The following NKD1 variants were observed in gnomAD, a reference collection of about 807,000 sequenced individuals.
The protein encoded by NKD1 is protein naked cuticle homolog 1.
NKD1 carries 21 observed loss-of-function variants against 56.0 expected under a neutral mutation model. The observed-to-expected ratio is 0.38, with a 90% CI of 0.27 to 0.54. NKD1 has a LOEUF of 0.54. NKD1 is among the 20% of genes least tolerant of loss of function. The pLI is 0.82. For missense variants in NKD1, 578 were observed against 642.7 expected (o/e 0.90, Z 1.09); for synonymous variants, 263 against 265.7 (o/e 0.99, Z 0.10).
At chr16:50,594,808 C>T (rs1961439924) in intron 3 of NKD1, among the ~76,000 whole-genome samples, 1 of 151,140 alleles carries the variant, frequency 6.6e-6, no homozygotes, top group Admixed American at 6.6e-5. Flanking sequence ...GGGAGGGGGG[C>T]ACACAGACCC....
chr16:50,573,019 C>T (rs909927030), intron 3 of NKD1: 3 of 216,672 alleles, frequency 1.4e-5, no homozygotes, highest in Admixed American at 1.3e-4. Flanking sequence ...TTTCTGAGGC[C>T]TCAGTCTCCC....
chr16:50,602,358 T>C (rs922018650), intron 3 of NKD1, among the ~76,000 whole-genome samples: 10 of 152,170 alleles, frequency 6.6e-5, no homozygotes, highest in Admixed American at 6.5e-4. Context: ...GTGAGCATCA[T>C]CTTGTCTGGC....
chr16:50,569,835 T>G (rs1431563059), intron 3 of NKD1, among the ~76,000 whole-genome samples: 1 of 152,204 alleles, frequency 6.6e-6, no homozygotes, highest in Non-Finnish European at 1.5e-5. Flanking sequence ...AGTGGAACCC[T>G]CTGGTTAGGA....
chr16:50,594,707 G>GCCCC, intron 3 of NKD1, among the ~76,000 whole-genome samples: 1 of 152,270 alleles, frequency 6.6e-6, no homozygotes, highest in South Asian at 2.1e-4. Flanking sequence ...GTGGGGACAC[G>GCCCC]GCAGTTCTCT....
intron 3 of NKD1, among the ~76,000 whole-genome samples, chr16:50,560,630 T>G (rs17219019): frequency 0.35 from 47,245 of 134,826 alleles, 9,429 homozygotes; most frequent in Non-Finnish European, 0.45. Flanking sequence ...TTTAGGCGAG[T>G]TTTTTTTTTT....
chr16:50,599,907 GT>G (rs536644542), intron 3 of NKD1, among the ~76,000 whole-genome samples: 10 of 152,038 alleles, frequency 6.6e-5, no homozygotes, highest in Non-Finnish European at 1.0e-4. Context: ...GGTGTTTTGG[GT>G]TTTTTTTCCC....
intron 4 of NKD1, among the ~76,000 whole-genome samples, chr16:50,616,565 C>T (rs751880697): frequency 6.6e-6 from 1 of 152,170 alleles, no homozygotes. Flanking sequence ...GCAGGCCTGG[C>T]GGAATCTCTG....
Position 50,645,240 on chromosome 16 carries a change from C to CG in NKD1, c.*11460dup, listed in dbSNP as rs1962655513. 6.6e-6 allele frequency: 1 copy of CG among 152,122 alleles called. No homozygotes were observed. Among genetic ancestry groups the CG allele is most frequent in the African/African-American group, 2.4e-5 (1 of 41,348 alleles). The allele number at this position is 152,122 out of a possible 1,614,324, so 9.4% of individuals were successfully genotyped here. A position where few individuals can be genotyped will look rare whatever the true frequency, so the allele number is the denominator to read the frequency against. On this transcript the variant is annotated 3_prime_UTR_variant, in exon 10 of 10. Transcript: ENST00000268459. The stretch of plus-strand genomic sequence containing the variant: ...CGGGGGGACTGCTTCCACCCAGAAA[C>CG]GACATTTTTATCCACTGCGATAACT...
intron 4 of NKD1, chr16:50,613,535 C>T (rs1243534443): frequency 1.3e-5 from 2 of 152,364 alleles, no homozygotes; most frequent in African/African-American, 2.4e-5. Context: ...CACTCCCCTA[C>T]AGTCCCCCCA....
chr16:50,559,923 G>A (rs564828159), intron 3 of NKD1, among the ~76,000 whole-genome samples: 1 of 152,246 alleles, frequency 6.6e-6, no homozygotes, highest in Non-Finnish European at 1.5e-5. Context: ...GCCGGAGGAT[G>A]TTTTTCTAAC....
chr16:50,551,929 T>G (rs1960395910), intron 3 of NKD1: 1 of 152,162 alleles, frequency 6.6e-6, no homozygotes, highest in Admixed American at 6.5e-5. Flanking sequence ...AGGACAGCAA[T>G]GGGCAACCCT....
intron 3 of NKD1, among the ~76,000 whole-genome samples, chr16:50,604,145 A>G (rs1567346277): frequency 6.6e-6 from 1 of 152,244 alleles, no homozygotes; most frequent in Non-Finnish European, 1.5e-5. Flanking sequence ...ACTGCAGCCA[A>G]GCCCCACATG....
Position 50,632,381 on chromosome 16 carries a change from GA to G in NKD1, c.800del (p.Asn267ThrfsTer80). On this transcript the variant is annotated frameshift_variant, in exon 9 of 10. Transcript: ENST00000268459. LOFTEE classifies it high-confidence loss of function. This position sits in a 1 kb window ranked among gnomAD's most constrained non-coding sequence, Gnocchi z 4.1. ...CCACTACTTAGATCTCGCCGGGATAGAAAACTACACGTCCCAATTTGGGCCT... is the reference window on the plus strand; with the variant it reads ...CCACTACTTAGATCTCGCCGGGATAGAAACTACACGTCCCAATTTGGGCCT... Reference protein sequence around the residue: ...RNHYLDLAGIENYTSQFGPGS... With the variant: ...RNHYLDLAGIXNYTSQFGPGS... The G allele has an allele frequency of 6.2e-7, 1 of 1,614,152 alleles. No homozygotes were observed. Among genetic ancestry groups the G allele is most frequent in the Non-Finnish European group, 8.5e-7 (1 of 1,180,012 alleles).
intron 3 of NKD1, among the ~76,000 whole-genome samples, chr16:50,588,146 C>A (rs1453178257): frequency 1.3e-5 from 2 of 152,092 alleles, no homozygotes; most frequent in Admixed American, 6.5e-5. Context: ...AATGTCCAGG[C>A]CACATTCATA....
chr16:50,633,249 G>A lies in NKD1; in HGVS notation c.881G>A (p.Arg294Gln), dbSNP rs777210269. The change falls in exon 10 of 10, where the codon CGA (arginine) becomes CAA (glutamine). Residue 294 changes from arginine to glutamine, a missense_variant. Coordinates refer to ENST00000268459, the MANE Select transcript of NKD1 (RefSeq NM_033119.5). This position sits in a 1 kb window ranked among gnomAD's most constrained non-coding sequence, Gnocchi z 4.9. ...CCCCCCCGCACCTCCAATCCCACTC[G>A]ATCTCGCTCCCATGAGCCGGAAGCC... ...ELPPRTSNPTRSRSHEPEAIH... is the reference protein window; with the variant it reads ...ELPPRTSNPTQSRSHEPEAIH... The A allele has an allele frequency of 7.4e-6, 12 of 1,613,796 alleles. No homozygotes were observed. Among genetic ancestry groups the A allele is most frequent in the Non-Finnish European group, 1.0e-5 (12 of 1,179,872 alleles).
chr16:50,607,203 G>T (rs1961731331), intron 3 of NKD1: 1 of 347,982 alleles, frequency 2.9e-6, no homozygotes, highest in Non-Finnish European at 5.7e-6. Flanking sequence ...TTAGCTGTTT[G>T]TCTTTAAAAC....
intron 3 of NKD1, among the ~76,000 whole-genome samples, chr16:50,576,237 T>C (rs1450461193): frequency 6.6e-6 from 1 of 152,200 alleles, no homozygotes; most frequent in Non-Finnish European, 1.5e-5. Flanking sequence ...GGTGGGCAGA[T>C]GTGGGTATTG....
intron 3 of NKD1, among the ~76,000 whole-genome samples, chr16:50,576,339 T>C (rs1179609191): frequency 6.6e-6 from 1 of 152,094 alleles, no homozygotes; most frequent in Non-Finnish European, 1.5e-5. Flanking sequence ...CCCTCTCCTC[T>C]CCTCCTCCAG....
chr16:50,631,709 C>G (rs1465355373), intron 8 of NKD1, among the ~76,000 whole-genome samples: 3 of 152,184 alleles, frequency 2.0e-5, no homozygotes, highest in African/African-American at 7.2e-5. Flanking sequence ...GCCCCGAGCC[C>G]TGCAGGGGAA....
Sources: gnomAD v4.1 joint callset for allele counts (sites outside exome capture counted in the v4.1 genomes callset) on GRCh38, gnomAD v4.1.1 for gene constraint, Gnocchi (gnomAD v3.1) non-coding constraint, MANE v1.5 for transcripts, NCBI Gene and HGNC (gene_info 2026-07-23, HGNC 2026-07-21) for gene names.